The following CD163L1 variants were observed in gnomAD, a reference collection of about 807,000 sequenced individuals.
CD163L1 encodes the protein scavenger receptor cysteine-rich type 1 protein M160.
CD163L1 carries 124 observed loss-of-function variants against 165.4 expected under a neutral mutation model. The observed-to-expected ratio is 0.75, with a 90% CI of 0.65 to 0.87. The LOEUF (loss-of-function observed/expected upper bound fraction) is 0.87, where lower values mean the gene tolerates loss of function less well. Ranked by LOEUF, CD163L1 falls within the 40% of genes least tolerant of loss-of-function variation. The probability of loss-of-function intolerance (pLI) is 0.00; values close to 1 mark genes in which losing one functional copy is unlikely to be tolerated. For synonymous variants in CD163L1, 585 were observed against 662.2 expected (o/e 0.88, Z 1.79); for missense variants, 1,525 against 1,799.9 (o/e 0.85, Z 2.76).
In CD163L1 at chr12:7,406,659, C is replaced by T. The variant is rs755422487; in HGVS notation, c.960G>A (p.Gly320=). The T allele has an allele frequency of 1.2e-6, 2 of 1,614,070 alleles. No homozygotes were observed. The highest frequency in any genetic ancestry group is 3.3e-5 in the Admixed American group (2 of 59,990). ...HFAGLPHLQS[G]SDVVWLDGVS... The stretch of plus-strand genomic sequence containing the variant: ...CACCATCAAGCCATACAACATCAGA[C>T]CCTGACTGCAAATGAGGCAAGCCAG... Residue 320 remains glycine (G), a synonymous_variant, in exon 5 of 20, where the codon GGG becomes GGA. Transcript: ENST00000313599.
chr12:7,320,913 C>G, the CD163L1 span: 1 of 954,230 alleles, frequency 1.0e-6, no homozygotes, highest in South Asian at 1.4e-5. Context: ...GTCTTACCAC[C>G]ACTGACATTT....
chr12:7,327,613 C>T, the CD163L1 span, among the ~76,000 whole-genome samples: 6 of 152,140 alleles, frequency 3.9e-5, no homozygotes, highest in African/African-American at 1.4e-4. Context: ...CTGTAGTTTC[C>T]TTCTAACCAT....
rs151223451 is a variant in CD163L1 at position 7,374,713 on chromosome 12, G to A, written c.3138C>T (p.Ala1046=). 1.0e-3 allele frequency: 1,664 copies of A among 1,614,066 alleles called. 17 individuals carry two copies. In the African/African-American group the frequency reaches 0.017, roughly 16 times the overall value. The change falls in exon 13 of 20, where the codon GCC becomes GCT. Residue 1046 remains alanine, a synonymous_variant. Transcript: ENST00000313599. The surrounding 1 kb of genome is among the most constrained non-coding windows in gnomAD (Gnocchi z 5.4). Reference sequence around the variant, plus strand: ...CGTCGTGATAGATCTCTACTCTCCCGGCACAGCGGCTGTCCCCATCCACTA... The same window carrying A: ...CGTCGTGATAGATCTCTACTCTCCCAGCACAGCGGCTGTCCCCATCCACTA... The part of the protein sequence containing the change: ...LRLVDGDSRC[A]GRVEIYHDGF...
In CD163L1 at chr12:7,422,643, CATAT is replaced by C. The variant is rs750987934; in HGVS notation, c.766+9769_766+9772del. Among the ~76,000 whole-genome samples the C allele has an allele frequency of 4.8e-3, 721 of 149,726 alleles. 10 individuals are homozygous for C. Among genetic ancestry groups the C allele is most frequent in the African/African-American group, 0.017 (682 of 40,894 alleles). On this transcript the variant is annotated intron_variant, in intron 4 of 19. Coordinates refer to ENST00000313599, the MANE Select transcript of CD163L1 (RefSeq NM_174941.6). Reference sequence around the variant, plus strand: ...AAAAGGTTATTTCATATATATATCTCATATATATTCATATATATCTCATATCATA... The same window carrying C: ...AAAAGGTTATTTCATATATATATCTCATATTCATATATATCTCATATCATA...
chr12:7,392,183 T>G (rs1375587934), intron 8 of CD163L1, among the ~76,000 whole-genome samples: 16 of 152,096 alleles, frequency 1.1e-4, no homozygotes. Flanking sequence ...AGTAAAGCAC[T>G]CCTCAGCAAA....
At position 7,368,004 on chromosome 12, in the gene CD163L1, T is replaced by C; in HGVS notation, c.4183+83A>G. 1 of 810,936 alleles carries C rather than the reference T, an allele frequency of 1.2e-6. No individual in the cohort carries two copies. Among genetic ancestry groups the C allele is most frequent in the Non-Finnish European group, 2.1e-6 (1 of 468,506 alleles). 50.2% of individuals were successfully genotyped at this position (810,936 alleles called of 1,614,324 possible). ...TCACTCAAAGTGGCAAGTGCATTTC[T>C]TCCATTCTGCAAGAATCCCCCATCC... On this transcript the variant is annotated intron_variant, in intron 17 of 19. Transcript: ENST00000313599. The surrounding 1 kb of genome is among the most constrained non-coding windows in gnomAD (Gnocchi z 4.3).
chr12:7,323,758 C>T, the CD163L1 span, among the ~76,000 whole-genome samples: 9 of 152,142 alleles, frequency 5.9e-5, no homozygotes, highest in African/African-American at 2.2e-4. Flanking sequence ...TGGTTATCCT[C>T]AGAAAGGAAA....
chr12:7,378,518 T>C (rs1026270152), intron 9 of CD163L1, among the ~76,000 whole-genome samples: 3 of 152,202 alleles, frequency 2.0e-5, no homozygotes, highest in African/African-American at 7.2e-5. Flanking sequence ...ATTATAAGTT[T>C]TCCCCCTTCT....
rs1947773264 is a variant in CD163L1, at chr12:7,396,312, G to A, written c.1833C>T (p.Gly611=). The A allele has an allele frequency of 6.2e-7, 1 of 1,614,048 alleles. No individual in the cohort carries two copies. Among genetic ancestry groups the A allele is most frequent in the African/African-American group, 1.3e-5 (1 of 74,940 alleles). The change falls in exon 8 of 20, where the codon GGC becomes GGT. Residue 611 remains glycine, a synonymous_variant. Transcript: ENST00000313599. The part of the protein sequence containing the change: ...QGRWGTVCDD[G]WNSKAAAVVC... The stretch of plus-strand genomic sequence containing the variant: ...CCACAGCTGCAGCTTTACTGTTCCA[G>A]CCGTCATCACACACTGTGCCCCACC...
At position 7,406,764 on chromosome 12, in the gene CD163L1, G is replaced by A. The variant is rs779187704; in HGVS notation, c.855C>T (p.Thr285=). The A allele has an allele frequency of 8.1e-6, 13 of 1,613,686 alleles. No individual in the cohort carries two copies. Among genetic ancestry groups the A allele is most frequent in the East Asian group, 4.5e-5 (2 of 44,880 alleles). Residue 285 remains threonine (T), a synonymous_variant, in exon 5 of 20, where the codon ACC becomes ACT. Coordinates refer to ENST00000313599, the MANE Select transcript of CD163L1 (RefSeq NM_174941.6). ...CATTGTTCCACTTATGGTGGCATACGGTCCCCCACCTTCCTTGGATTTTCA... is the reference window on the plus strand; with the variant it reads ...CATTGTTCCACTTATGGTGGCATACAGTCCCCCACCTTCCTTGGATTTTCA... ...VELKIQGRWG[T]VCHHKWNNAA...
At chr12:7,403,912 T>A in intron 5 of CD163L1, 57 bp from the exon 6 acceptor site, 2 of 1,433,316 alleles carry the variant, frequency 1.4e-6, no homozygotes, top group Non-Finnish European at 1.9e-6. Flanking sequence ...ATCATCAGCA[T>A]CCCTCTCCTC....
At chr12:7,403,145 C>G (rs1441453253) in intron 6 of CD163L1, among the ~76,000 whole-genome samples, 1 of 151,698 alleles carries the variant, frequency 6.6e-6, no homozygotes, top group African/African-American at 2.4e-5. Context: ...ATTCCTAATT[C>G]TCTATAATAA....
Position 7,432,853 on chromosome 12 carries a change from A to C in CD163L1, c.446-117T>G. On this transcript the variant is annotated intron_variant, in intron 3 of 19. Coordinates refer to ENST00000313599, the MANE Select transcript of CD163L1 (RefSeq NM_174941.6). The surrounding 1 kb of genome is among the most constrained non-coding windows in gnomAD (Gnocchi z 4.2). ...GAATGAAGTTACCAAAAATTAAAAA[A>C]AAATAACTGAAAATACTTATAGGAG... The C allele has an allele frequency of 2.5e-6, 2 of 802,652 alleles. No homozygotes were observed. The highest frequency in any genetic ancestry group is 3.7e-6 in the Non-Finnish European group (2 of 539,648). The allele number at this position is 802,652 out of a possible 1,614,324, so 49.7% of individuals were successfully genotyped here.
Position 7,396,169 on chromosome 12 carries a change from A to T in CD163L1, c.1976T>A (p.Leu659His), listed in dbSNP as rs1188816434. ...CCACCCACTGTTCCTGCATGACCAGAGATCTGACTCATCTCCATCACAGGA... is the reference window on the plus strand; with the variant it reads ...CCACCCACTGTTCCTGCATGACCAGTGATCTGACTCATCTCCATCACAGGA... The part of the protein sequence containing the change: ...DVSCDGDESD[L>H]WSCRNSGWGN... The change falls in exon 8 of 20, where the codon CTC becomes CAC. Residue 659 changes from leucine to histidine, a missense_variant. By Grantham distance (99) the Leu-to-His change is moderately conservative. Coordinates refer to ENST00000313599, the MANE Select transcript of CD163L1 (RefSeq NM_174941.6). 6.2e-7 allele frequency: 1 copy of T among 1,614,188 alleles called. No individual in the cohort carries two copies.
the CD163L1 span, among the ~76,000 whole-genome samples, chr12:7,320,402 A>T: frequency 1.3e-5 from 2 of 152,232 alleles, 1 homozygote; most frequent in Non-Finnish European, 2.9e-5. Context: ...AGATTACACT[A>T]TAAGAGGTAA....
At chr12:7,421,029 A>ATG (rs1555202017) in intron 4 of CD163L1, among the ~76,000 whole-genome samples, 6 of 105,346 alleles carry the variant, frequency 5.7e-5, no homozygotes, top group Admixed American at 9.7e-5. Flanking sequence ...ATATACATAT[A>ATG]TATATACGTG....
intron 18 of CD163L1, 168 bp from the exon 19 acceptor site, chr12:7,357,654 T>C (rs909577597): frequency 4.3e-6 from 2 of 464,326 alleles, no homozygotes; most frequent in African/African-American, 3.9e-5. Flanking sequence ...AAAATAATTA[T>C]CATATTTAAA....
In CD163L1 at chr12:7,424,288, TAA is replaced by T. The variant is rs140177404; in HGVS notation, c.766+8126_766+8127del. ...AATAAAATTCAACATCCCTTCATGG[TAA>T]AAAAAAAAAAAACTCTCAATAAACT... On this transcript the variant is annotated intron_variant, in intron 4 of 19. Transcript: ENST00000313599. Among the ~76,000 whole-genome samples, 133 of 146,606 alleles carry T rather than the reference TAA, an allele frequency of 9.1e-4. 1 individual carries two copies. The highest frequency in any genetic ancestry group is 3.5e-3 in the Middle Eastern group (1 of 284).
At chr12:7,411,966 T>C (rs1217603162) in intron 4 of CD163L1, among the ~76,000 whole-genome samples, 1 of 152,224 alleles carries the variant, frequency 6.6e-6, no homozygotes, top group Non-Finnish European at 1.5e-5. Flanking sequence ...TCCTGGACAT[T>C]GACATTTCCC....
Sources: gnomAD v4.1 joint callset for allele counts (sites outside exome capture counted in the v4.1 genomes callset) on GRCh38, gnomAD v4.1.1 for gene constraint, Gnocchi (gnomAD v3.1) non-coding constraint, MANE v1.5 for transcripts, NCBI Gene and HGNC (gene_info 2026-07-23, HGNC 2026-07-21) for gene names.